Variants in PNPLA8 observed in about 807,000 individuals in gnomAD.
The protein encoded by PNPLA8 is calcium-independent phospholipase A2-gamma.
In PNPLA8, 39 loss-of-function variants were observed where a neutral mutation model predicts 76.9. The observed-to-expected ratio is 0.51, with a 90% CI of 0.39 to 0.66. PNPLA8 has a LOEUF of 0.66. Among genes scored for constraint, PNPLA8 ranks in the 30% least tolerant of loss-of-function variants. The pLI, the probability that PNPLA8 is intolerant of heterozygous loss-of-function variation, is 0.00. For synonymous variants in PNPLA8, 301 were observed against 307.9 expected, an observed-to-expected ratio of 0.98 and a Z score of 0.24; for missense variants, 887 against 918.0, an observed-to-expected ratio of 0.97 and a Z score of 0.44.
intron 4 of PNPLA8, among the ~76,000 whole-genome samples, chr7:108,504,004 CTTG>C (rs1482977661): frequency 4.6e-5 from 7 of 152,132 alleles, no homozygotes; most frequent in South Asian, 2.1e-4. Context: ...GCTTTGTATT[CTTG>C]AGATTTTAGG....
At chr7:108,516,920 A>C (rs547431909) in intron 2 of PNPLA8, among the ~76,000 whole-genome samples, 19 of 151,730 alleles carry the variant, frequency 1.3e-4, no homozygotes, top group African/African-American at 3.6e-4. Context: ...AACAAACAAA[A>C]AAAAAACCAA....
intron 9 of PNPLA8, among the ~76,000 whole-genome samples, chr7:108,486,929 C>CAAATGAGACTAATTTT (rs1276723407): frequency 6.6e-6 from 1 of 151,926 alleles, no homozygotes; most frequent in East Asian, 1.9e-4. Flanking sequence ...TCTACTCCAT[C>CAAATGAGACTAATTTT]AAATGAGACT....
Position 108,515,357 on chromosome 7 carries a change from A to G in PNPLA8, c.135T>C (p.Ser45=), listed in dbSNP as rs1863258306. The G allele has an allele frequency of 6.2e-7, 1 of 1,613,518 alleles. No individual in the cohort carries two copies. Among genetic ancestry groups the G allele is most frequent in the Non-Finnish European group, 8.5e-7 (1 of 1,179,768 alleles). Residue 45 remains serine (S), a synonymous_variant, in exon 3 of 11, where the codon AGT becomes AGC. Coordinates refer to ENST00000257694, the MANE Select transcript of PNPLA8 (RefSeq NM_001256007.3). ...PKHYWRISHI[S]LQRGFHTNII... is the part of the protein sequence containing the mutation. ...TGTTTGTATGAAAACCTCTTTGTAG[A>G]CTGATGTGGCTTATCCTCCAGTAAT...
intron 9 of PNPLA8, 121 bp from the exon 10 acceptor site, chr7:108,479,500 A>G: frequency 1.5e-6 from 1 of 688,314 alleles, no homozygotes; most frequent in Non-Finnish European, 2.4e-6. Context: ...CATTTCTTTT[A>G]TAGACTACAG....
chr7:108,484,866 A>G (rs909960973), intron 9 of PNPLA8, among the ~76,000 whole-genome samples: 4 of 152,184 alleles, frequency 2.6e-5, no homozygotes, highest in African/African-American at 9.7e-5. Context: ...CAGCTAGCAC[A>G]GTGCCTAACA....
chr7:108,489,653 A>G (rs1210033834), intron 8 of PNPLA8, among the ~76,000 whole-genome samples: 2 of 152,226 alleles, frequency 1.3e-5, no homozygotes, highest in Non-Finnish European at 2.9e-5. Context: ...AAATGAATCC[A>G]AAGTGCCTAG....
rs1176404347 is a variant in PNPLA8, at chr7:108,472,460, CATTA to C, written c.2286_2289del (p.Ile762MetfsTer4). 1.3e-6 allele frequency: 2 copies of C among 1,597,524 alleles called. No homozygotes were observed. Among genetic ancestry groups the C allele is most frequent in the East Asian group, 2.2e-5 (1 of 44,756 alleles). On this transcript the variant is annotated frameshift_variant, in exon 11 of 11. Coordinates refer to ENST00000257694, the MANE Select transcript of PNPLA8 (RefSeq NM_001256007.3). LOFTEE classifies it high-confidence loss of function. The stretch of plus-strand genomic sequence containing the variant: ...ATATCAGTTTTTAATTTTATCCAAT[CATTA>C]ATTTTCTGCAGAGTTGTTTTTTCTT...
rs376377699 is a variant in PNPLA8 at position 108,501,280 on chromosome 7, CCAA to C, written c.1358+1208_1358+1210del. Among the ~76,000 whole-genome samples, 155 of 152,158 alleles carry C rather than the reference CCAA, an allele frequency of 1.0e-3. 2 individuals are homozygous for C. The highest frequency in any genetic ancestry group is 3.4e-3 in the African/African-American group (142 of 41,528). On this transcript the variant is annotated intron_variant, in intron 5 of 10. Coordinates refer to ENST00000257694, the MANE Select transcript of PNPLA8 (RefSeq NM_001256007.3). ...TGAAAAACCAAGCCAAAAAATCTAA[CCAA>C]CAAGTTGGAAGGAACTAGATAAACA...
At position 108,470,566 on chromosome 7, in the gene PNPLA8, T is replaced by G. The variant is rs1307208689; in HGVS notation, c.*1835A>C. ...TGAGGTGCAAATATGTAAATATGCA[T>G]AAATATTACTTTATTGTGCTTGAAA... On this transcript the variant is annotated 3_prime_UTR_variant, in exon 11 of 11. Transcript: ENST00000257694. The G allele has an allele frequency of 6.6e-6, 1 of 152,158 alleles. No individual in the cohort carries two copies. The highest frequency in any genetic ancestry group is 6.5e-5 in the Admixed American group (1 of 15,268). The allele number at this position is 152,158 out of a possible 1,614,324, so 9.4% of individuals were successfully genotyped here. A position where few individuals can be genotyped will look rare whatever the true frequency, so the allele number is the denominator to read the frequency against.
intron 10 of PNPLA8, among the ~76,000 whole-genome samples, chr7:108,477,289 T>A (rs1419467343): frequency 6.6e-6 from 1 of 152,130 alleles, no homozygotes; most frequent in Non-Finnish European, 1.5e-5. Context: ...CTGACCTCAA[T>A]AAAGCTGGGA....
chr7:108,500,524 T>G (rs1363471032), intron 5 of PNPLA8, among the ~76,000 whole-genome samples: 1 of 152,066 alleles, frequency 6.6e-6, no homozygotes, highest in Non-Finnish European at 1.5e-5. Flanking sequence ...ACCAATCTGT[T>G]GAGATTCCCT....
At chr7:108,516,908 AAAAC>A (rs1863385595) in intron 2 of PNPLA8, among the ~76,000 whole-genome samples, 1 of 137,188 alleles carries the variant, frequency 7.3e-6, no homozygotes, top group Non-Finnish European at 1.6e-5. Context: ...TCTCAAAAAC[AAAAC>A]AAACAAAAAA....
At chr7:108,498,768 T>A (rs955808429) in intron 5 of PNPLA8, among the ~76,000 whole-genome samples, 3 of 152,034 alleles carry the variant, frequency 2.0e-5, no homozygotes, top group Non-Finnish European at 4.4e-5. Context: ...ATAGACCAAT[T>A]GAGGGTGTAT....
chr7:108,479,914 C>T (rs1860277515), intron 9 of PNPLA8, among the ~76,000 whole-genome samples: 1 of 151,914 alleles, frequency 6.6e-6, no homozygotes, highest in Non-Finnish European at 1.5e-5. Flanking sequence ...ATTTTGAAGA[C>T]TTCAAAAGGA....
At chr7:108,510,819 T>C (rs1862864198) in intron 4 of PNPLA8, 3 of 1,600,434 alleles carry the variant, frequency 1.9e-6, no homozygotes, top group African/African-American at 1.3e-5. Context: ...ATCTATACTG[T>C]TGGAAAACGC....
chr7:108,514,561 G>C lies in PNPLA8; in HGVS notation c.931C>G (p.Pro311Ala). 1 of 1,613,658 alleles carries C rather than the reference G, an allele frequency of 6.2e-7. No homozygotes were observed. The highest frequency in any genetic ancestry group is 8.5e-7 in the Non-Finnish European group (1 of 1,179,732). Residue 311 changes from proline to alanine, a missense_variant, in exon 3 of 11, where the codon CCC (proline) becomes GCC (alanine). Pro to Ala is a conservative substitution (Grantham distance 27). Transcript: ENST00000257694. ...LVGGYIGGLV[P>A]KLKYDSKSQS... ...CTCTTTGAATCATACTTTAATTTGG[G>C]GACAAGTCCACCAATATAACCACCT... is the stretch of plus-strand genomic sequence containing the variant.
At chr7:108,526,592 G>A (rs1047435064), upstream of PNPLA8, among the ~76,000 whole-genome samples, 9 of 152,250 alleles carry the variant, frequency 5.9e-5, no homozygotes, top group Admixed American at 5.2e-4. Context: ...GCTGGGGGCT[G>A]CGATACCAGT....
intron 9 of PNPLA8, chr7:108,480,685 C>A: frequency 2.5e-6 from 1 of 393,540 alleles, no homozygotes; most frequent in Admixed American, 2.6e-5. Flanking sequence ...TAAACATTTT[C>A]AGTAATATGG....
At chr7:108,496,851 T>G in intron 6 of PNPLA8, 96 bp from the exon 7 acceptor site, 1 of 932,902 alleles carries the variant, frequency 1.1e-6, no homozygotes, top group Non-Finnish European at 1.6e-6. Flanking sequence ...ATTTTAGCGT[T>G]GATACTTTCT....
Sources: allele counts gnomAD v4.1 joint callset (sites outside exome capture counted in the v4.1 genomes callset), GRCh38; gene constraint gnomAD v4.1.1; transcripts MANE v1.5; gene names NCBI Gene and HGNC (gene_info 2026-07-23, HGNC 2026-07-21).